Variants in MYO9A observed in about 807,000 individuals in gnomAD.
The protein encoded by MYO9A is unconventional myosin-IXa.
A neutral mutation model predicts 293.3 loss-of-function variants in MYO9A; 103 were observed. That is an observed-to-expected ratio of 0.35 (90% CI 0.30 to 0.41). The LOEUF (loss-of-function observed/expected upper bound fraction) is 0.41, where lower values mean the gene tolerates loss of function less well. MYO9A is among the 10% of genes least tolerant of loss of function. MYO9A has a pLI of 1.00. For missense variants in MYO9A, 2,685 were observed against 3,033.0 expected, an observed-to-expected ratio of 0.89 and a Z score of 2.69; for synonymous variants, 1,001 against 1,035.7, an observed-to-expected ratio of 0.97 and a Z score of 0.64.
chr15:71,910,267 C>T (rs1434696873), intron 19 of MYO9A, among the ~76,000 whole-genome samples: 1 of 150,052 alleles, frequency 6.7e-6, no homozygotes, highest in African/African-American at 2.4e-5. Flanking sequence ...CTCTTATTTC[C>T]ACACCCCAAC....
intron 1 of MYO9A, among the ~76,000 whole-genome samples, chr15:72,100,484 C>T (rs1381802976): frequency 1.3e-5 from 2 of 150,784 alleles, no homozygotes; most frequent in African/African-American, 2.4e-5. Context: ...GGAGCGTCTC[C>T]GACCGGCCGC....
chr15:71,969,499 A>G (rs1261733187), intron 12 of MYO9A, among the ~76,000 whole-genome samples: 1 of 152,190 alleles, frequency 6.6e-6, no homozygotes, highest in East Asian at 1.9e-4. Context: ...CACCAAGGCA[A>G]AAAGACTTGA....
At chr15:72,113,871 G>A (rs761494220) in intron 1 of MYO9A, among the ~76,000 whole-genome samples, 1 of 152,156 alleles carries the variant, frequency 6.6e-6, no homozygotes, top group Non-Finnish European at 1.5e-5. Context: ...AAAGGAAGAG[G>A]TTAGCAACAG....
At position 72,055,664 on chromosome 15, in the gene MYO9A, T is replaced by A. The variant is rs1363514378; in HGVS notation, c.-71-9030A>T. On this transcript the variant is annotated intron_variant, in intron 1 of 41. Transcript: ENST00000356056. The stretch of plus-strand genomic sequence containing the variant: ...TCAAAAAGTAGGCTAAGGACATGAA[T>A]AGACATCTCAAAAGAAGATACACAA... 3.3e-5 allele frequency among the ~76,000 whole-genome samples: 5 copies of A among 151,660 alleles called. No individual in the cohort carries two copies. In the East Asian group the frequency reaches 9.7e-4, roughly 29 times the overall value.
At chr15:72,024,938 T>C (rs1287049360) in intron 4 of MYO9A, among the ~76,000 whole-genome samples, 1 of 151,934 alleles carries the variant, frequency 6.6e-6, no homozygotes, top group Non-Finnish European at 1.5e-5. Context: ...TCGTAACACA[T>C]ATGGAGAACA....
chr15:72,018,574 T>C (rs1189635300), intron 6 of MYO9A, among the ~76,000 whole-genome samples: 2 of 151,994 alleles, frequency 1.3e-5, no homozygotes, highest in African/African-American at 4.8e-5. Context: ...CAAAGAAAAA[T>C]ATACATGCAT....
intron 11 of MYO9A, among the ~76,000 whole-genome samples, chr15:71,986,238 G>A (rs868161586): frequency 6.6e-6 from 1 of 152,192 alleles, no homozygotes; most frequent in Non-Finnish European, 1.5e-5. Context: ...TGGAGAATGT[G>A]CATAGGTTAT....
At chr15:71,883,818 A>T (rs2056945379) in intron 27 of MYO9A, 82 bp from the exon 28 acceptor site, 6 of 1,254,566 alleles carry the variant, frequency 4.8e-6, no homozygotes, top group Non-Finnish European at 5.5e-6. Flanking sequence ...AAGCTTTACA[A>T]ATCTTCTATG....
chr15:72,049,120 A>G (rs2149742835), intron 1 of MYO9A, among the ~76,000 whole-genome samples: 1 of 152,294 alleles, frequency 6.6e-6, no homozygotes, highest in Middle Eastern at 3.4e-3. Context: ...TAGCTTTACA[A>G]GTGCACTTTT....
chr15:71,842,689 C>G (rs2055209082), intron 39 of MYO9A, among the ~76,000 whole-genome samples: 1 of 151,822 alleles, frequency 6.6e-6, no homozygotes, highest in Non-Finnish European at 1.5e-5. Context: ...GAAACCCCGT[C>G]TTTACCAAAA....
In MYO9A at chr15:72,020,908, G is replaced by A. The variant is rs2077484075; in HGVS notation, c.1098+10C>T. 5.5e-6 allele frequency: 8 copies of A among 1,464,948 alleles called. No individual in the cohort carries two copies. The highest frequency in any genetic ancestry group is 7.3e-6 in the Non-Finnish European group (8 of 1,102,926). 90.7% of individuals were successfully genotyped at this position (1,464,948 alleles called of 1,614,324 possible). ...CCCTATACTTCAAAATGCTTTTTAT[G>A]AACTCTCACCTGATTGAGATAATGA... On this transcript the variant is annotated intron_variant, in intron 5 of 41. Coordinates refer to ENST00000356056, the MANE Select transcript of MYO9A (RefSeq NM_006901.4).
chr15:71,926,323 G>A (rs947992438), intron 18 of MYO9A, among the ~76,000 whole-genome samples: 1 of 152,172 alleles, frequency 6.6e-6, no homozygotes, highest in Non-Finnish European at 1.5e-5. Flanking sequence ...CAGCAACTTG[G>A]GAGGCTGAGG....
intron 1 of MYO9A, among the ~76,000 whole-genome samples, chr15:72,053,409 G>GGA (rs1555414527): frequency 6.6e-5 from 6 of 90,386 alleles, no homozygotes; most frequent in Admixed American, 1.2e-4. Context: ...CCGTCTCAAA[G>GGA]AAAAAAAAAA....
chr15:72,082,122 A>G (rs1173385764), intron 1 of MYO9A, among the ~76,000 whole-genome samples: 1 of 152,196 alleles, frequency 6.6e-6, no homozygotes, highest in African/African-American at 2.4e-5. Flanking sequence ...TGCTTTGTGT[A>G]GTATGGCCAT....
chr15:71,904,890 CTGAGA>C lies in MYO9A; in HGVS notation c.2766+31_2766+35del, dbSNP rs754669908. The C allele has an allele frequency of 3.3e-5, 49 of 1,481,618 alleles. 1 individual carries two copies. The South Asian group carries it at 4.0e-4, about 12-fold the overall frequency. The allele number at this position is 1,481,618 out of a possible 1,614,324, so 91.8% of individuals were successfully genotyped here. A position where few individuals can be genotyped will look rare whatever the true frequency, so the allele number is the denominator to read the frequency against. On this transcript the variant is annotated intron_variant, in intron 20 of 41. Transcript: ENST00000356056. ...TATTTAAAGCTCAGTTTGAAGTAAG[CTGAGA>C]TATGTGCTCTCATTTATAGGACATT...
Position 72,046,445 on chromosome 15 carries a change from G to C in MYO9A, c.119C>G (p.Ser40Cys). The C allele has an allele frequency of 1.2e-6, 2 of 1,614,166 alleles. No individual in the cohort carries two copies. The highest frequency in any genetic ancestry group is 4.5e-5 in the East Asian group (2 of 44,884). ...IYCPIPARKN[S>C]TAAEVIESLI... ...AGACTCAATCACCTCAGCAGCTGTG[G>C]AGTTTTTTCTGGCAGGAATCGGACA... Residue 40 changes from serine to cysteine, a missense_variant, in exon 2 of 42, where the codon TCC (serine) becomes TGC (cysteine). Physicochemically the swap from Ser to Cys is moderately radical, Grantham distance 112. Coordinates refer to ENST00000356056, the MANE Select transcript of MYO9A (RefSeq NM_006901.4).
intron 32 of MYO9A, among the ~76,000 whole-genome samples, chr15:71,866,981 C>T (rs997789952): frequency 2.6e-5 from 4 of 151,966 alleles, no homozygotes; most frequent in African/African-American, 7.3e-5. Context: ...AACTTGAACT[C>T]GGGAGGTGGA....
intron 13 of MYO9A, among the ~76,000 whole-genome samples, chr15:71,962,621 G>A (rs1057340832): frequency 6.6e-6 from 1 of 152,150 alleles, no homozygotes; most frequent in Non-Finnish European, 1.5e-5. Context: ...TGTATTTTAC[G>A]TAACTTATTT....
At chr15:72,089,427 G>GC (rs898678907) in intron 1 of MYO9A, among the ~76,000 whole-genome samples, 3 of 152,036 alleles carry the variant, frequency 2.0e-5, no homozygotes, top group African/African-American at 7.2e-5. Flanking sequence ...CTCCCAAAGT[G>GC]CTAGGACTGC....
Sources: gnomAD v4.1 joint callset for allele counts (sites outside exome capture counted in the v4.1 genomes callset) on GRCh38, gnomAD v4.1.1 for gene constraint, MANE v1.5 for transcripts, NCBI Gene and HGNC (gene_info 2026-07-23, HGNC 2026-07-21) for gene names.